Variants in DOCK7 observed in about 807,000 individuals in gnomAD.
DOCK7 encodes dedicator of cytokinesis 7, also known as dedicator of cytokinesis protein 7.
A neutral mutation model predicts 271.0 loss-of-function variants in DOCK7; 138 were observed. The observed-to-expected ratio is 0.51, with a 90% confidence interval of 0.44 to 0.59. The LOEUF is 0.59. Among genes scored for constraint, DOCK7 ranks in the 20% least tolerant of loss-of-function variants. DOCK7 has a pLI of 0.00. For synonymous variants in DOCK7, 823 were observed against 876.1 expected (o/e 0.94, Z 1.07); for missense variants, 2,066 against 2,592.4 (o/e 0.80, Z 4.41).
Position 62,513,700 on chromosome 1 carries a change from T to G in DOCK7, c.4119+16A>C. ...TCTCCTTTCTTGTTCTTTGCAATGGTACAATGACCACTTACTTTATACTCA... is the reference window on the plus strand; with the variant it reads ...TCTCCTTTCTTGTTCTTTGCAATGGGACAATGACCACTTACTTTATACTCA... On this transcript the variant is annotated intron_variant, in intron 32 of 49. Transcript: ENST00000635253. The G allele has an allele frequency of 6.2e-7, 1 of 1,612,582 alleles. No individual in the cohort carries two copies. The highest frequency in any genetic ancestry group is 8.5e-7 in the Non-Finnish European group (1 of 1,179,504).
chr1:62,648,040 A>C (rs545076416), intron 6 of DOCK7, 66 bp downstream of exon 6: 2 of 1,445,064 alleles, frequency 1.4e-6, no homozygotes, highest in Non-Finnish European at 9.7e-7. Context: ...AATACTATAT[A>C]TCAATCATAA....
intron 2 of DOCK7, among the ~76,000 whole-genome samples, chr1:62,659,527 G>A (rs1403114731): frequency 1.3e-5 from 2 of 151,992 alleles, no homozygotes; most frequent in Non-Finnish European, 2.9e-5. Context: ...TAAAATGGTA[G>A]ATTTAAACCC....
In DOCK7 at chr1:62,607,196, C is replaced by CA. The variant is rs59952505; in HGVS notation, c.1682+11509dup. On this transcript the variant is annotated intron_variant, in intron 14 of 49. Transcript: ENST00000635253. ...ACTGGGTGACAGAACAAGACTGACT[C>CA]AAAAAAAAATAAATAACAAATTCCC... Among the ~76,000 whole-genome samples, 18 of 151,242 alleles carry CA rather than the reference C, an allele frequency of 1.2e-4. No individual in the cohort carries two copies. In the East Asian group the frequency reaches 1.6e-3, roughly 13 times the overall value.
At chr1:62,507,819 G>C (rs1646987029) in intron 35 of DOCK7, 143 bp downstream of exon 35, 4 of 671,254 alleles carry the variant, frequency 6.0e-6, no homozygotes, top group Non-Finnish European at 1.0e-5. Context: ...TAATTACAGA[G>C]AATCTCAGAA....
At chr1:62,579,695 GAAA>G (rs34924913) in intron 16 of DOCK7, among the ~76,000 whole-genome samples, 4 of 63,882 alleles carry the variant, frequency 6.3e-5, no homozygotes, top group East Asian at 5.5e-4. Flanking sequence ...GAGTGAGACC[GAAA>G]AAAAAAAAAA....
At chr1:62,523,358 T>TATAA (rs1302683585) in intron 31 of DOCK7, among the ~76,000 whole-genome samples, 1 of 152,024 alleles carries the variant, frequency 6.6e-6, no homozygotes, top group Non-Finnish European at 1.5e-5. Flanking sequence ...TAATATGCAA[T>TATAA]ATAAATAAAT....
rs12117388 is a variant in DOCK7, at chr1:62,653,585, T to C, written c.389+140A>G. On this transcript the variant is annotated intron_variant, in intron 4 of 49. Coordinates refer to ENST00000635253, the MANE Select transcript of DOCK7 (RefSeq NM_001367561.1). ...AGAAATCCTAAGGAGTAAATATCTA[T>C]ACACAAAAGTTCTTCTTTTGTTTCT... 0.14 allele frequency: 86,801 copies of C among 614,490 alleles called. 7,059 individuals carry two copies. Among genetic ancestry groups the C allele is most frequent in the Non-Finnish European group, 0.17 (59,392 of 347,824 alleles). 38.1% of individuals were successfully genotyped at this position (614,490 alleles called of 1,614,324 possible).
chr1:62,475,463 G>T, intron 46 of DOCK7, 112 bp from the exon 47 acceptor site: 2 of 1,306,166 alleles, frequency 1.5e-6, no homozygotes, highest in Non-Finnish European at 2.1e-6. Context: ...AAACTTTCAT[G>T]TAACAATAAA....
intron 1 of DOCK7, among the ~76,000 whole-genome samples, chr1:62,682,799 G>A (rs964148568): frequency 2.6e-5 from 4 of 152,198 alleles, no homozygotes; most frequent in African/African-American, 9.7e-5. Context: ...GTTTTAGGAT[G>A]AGAAAGACAT....
chr1:62,601,106 C>T (rs748668472), intron 14 of DOCK7: 2 of 1,606,574 alleles, frequency 1.2e-6, no homozygotes, highest in Non-Finnish European at 8.5e-7. Flanking sequence ...TATTCAAGAA[C>T]CCACAGAAAT....
rs117979986 is a variant in DOCK7 at position 62,522,938 on chromosome 1, A to G, written c.3936+5213T>C. ...TTAGAAAACAGAATTTTTGAAAAAG[A>G]CACCATTTATAGGAACATTAAAAAA... On this transcript the variant is annotated intron_variant, in intron 31 of 49. Coordinates refer to ENST00000635253, the MANE Select transcript of DOCK7 (RefSeq NM_001367561.1). Among the ~76,000 whole-genome samples, 967 of 152,266 alleles carry G rather than the reference A, an allele frequency of 6.4e-3. 49 individuals are homozygous for G. In the East Asian group the frequency reaches 0.13, roughly 21 times the overall value.
At chr1:62,490,569 T>C (rs758304806) in intron 41 of DOCK7, among the ~76,000 whole-genome samples, 17 of 152,200 alleles carry the variant, frequency 1.1e-4, no homozygotes, top group Non-Finnish European at 2.4e-4. Context: ...TAAACAATCA[T>C]GTAGTTGTAC....
intron 4 of DOCK7, among the ~76,000 whole-genome samples, chr1:62,650,635 G>A (rs531228429): frequency 5.3e-5 from 8 of 152,250 alleles, no homozygotes; most frequent in Non-Finnish European, 8.8e-5. Context: ...GTGGGCAAAC[G>A]ATATGAACAG....
intron 28 of DOCK7, among the ~76,000 whole-genome samples, chr1:62,536,143 T>C (rs1347628421): frequency 1.3e-5 from 2 of 152,114 alleles, no homozygotes; most frequent in Admixed American, 6.6e-5. Flanking sequence ...TACTTCAAAA[T>C]ATTATAGCAT....
chr1:62,676,814 C>T (rs1660593011), intron 1 of DOCK7, among the ~76,000 whole-genome samples: 1 of 152,092 alleles, frequency 6.6e-6, no homozygotes, highest in South Asian at 2.1e-4. Context: ...TGCAAGCATA[C>T]AGATGCAGAA....
At chr1:62,597,804 C>G (rs201052110) in intron 14 of DOCK7, 16 of 1,613,346 alleles carry the variant, frequency 9.9e-6, no homozygotes, top group Non-Finnish European at 1.3e-5. Context: ...CATATTTGAT[C>G]AGTCTTTTTA....
chr1:62,681,563 C>CAA (rs1352950207), intron 1 of DOCK7, among the ~76,000 whole-genome samples: 1 of 136,664 alleles, frequency 7.3e-6, no homozygotes, highest in African/African-American at 2.7e-5. Context: ...AATAAAAATA[C>CAA]AAAAAAAAAA....
intron 16 of DOCK7, among the ~76,000 whole-genome samples, chr1:62,581,967 C>T (rs571123771): frequency 1.7e-4 from 26 of 152,182 alleles, no homozygotes; most frequent in African/African-American, 5.3e-4. Context: ...TGCAAGAAAC[C>T]GGATAAATGA....
At chr1:62,657,403 C>A (rs1324332845) in intron 2 of DOCK7, among the ~76,000 whole-genome samples, 2 of 152,092 alleles carry the variant, frequency 1.3e-5, no homozygotes, top group African/African-American at 2.4e-5. Flanking sequence ...TAGCATCCAC[C>A]TATAACTAGA....
Sources: gnomAD v4.1 joint callset for allele counts (sites outside exome capture counted in the v4.1 genomes callset) on GRCh38, gnomAD v4.1.1 for gene constraint, MANE v1.5 for transcripts, NCBI Gene and HGNC (gene_info 2026-07-23, HGNC 2026-07-21) for gene names.